GFRA1: variants seen among roughly 807,000 people sequenced by gnomAD.
GFRA1 encodes GDNF family receptor alpha 1.
Under a neutral mutation model 51.6 loss-of-function variants are expected in GFRA1, and 16 were observed. The observed-to-expected ratio is 0.31, with a 90% CI of 0.21 to 0.47. GFRA1 has a LOEUF of 0.47. Among genes scored for constraint, GFRA1 ranks in the 20% least tolerant of loss-of-function variants. The probability of loss-of-function intolerance (pLI) is 1.00; values close to 1 mark genes in which losing one functional copy is unlikely to be tolerated. For synonymous variants in GFRA1, 270 were observed against 241.3 expected (o/e 1.12, Z -1.10); for missense variants, 530 against 594.3 (o/e 0.89, Z 1.13).
At chr10:116,233,534 A>AG (rs1325353584) in intron 4 of GFRA1, among the ~76,000 whole-genome samples, 1 of 152,058 alleles carries the variant, frequency 6.6e-6, no homozygotes. Flanking sequence ...CCTGGATGCA[A>AG]GGCCCCTTGT....
chr10:116,138,213 T>C (rs1456015571), intron 5 of GFRA1, among the ~76,000 whole-genome samples: 1 of 152,190 alleles, frequency 6.6e-6, no homozygotes, highest in Non-Finnish European at 1.5e-5. Context: ...TAGTACATTA[T>C]TTCTCGTTCA....
At chr10:116,097,381 T>C (rs1401479763) in intron 6 of GFRA1, among the ~76,000 whole-genome samples, 1 of 152,194 alleles carries the variant, frequency 6.6e-6, no homozygotes, top group East Asian at 1.9e-4. Flanking sequence ...AGGCTTGCTC[T>C]AGGCGGGTGG....
chr10:116,225,305 G>T (rs912823600), intron 4 of GFRA1, among the ~76,000 whole-genome samples: 1 of 151,998 alleles, frequency 6.6e-6, no homozygotes, highest in Non-Finnish European at 1.5e-5. Context: ...GGGAGGCCAA[G>T]GCAGGCGGAT....
intron 5 of GFRA1, among the ~76,000 whole-genome samples, chr10:116,155,925 C>A (rs1051906616): frequency 6.6e-6 from 1 of 152,202 alleles, no homozygotes; most frequent in Non-Finnish European, 1.5e-5. Context: ...GGCTCTCCAG[C>A]ACACCCACCA....
intron 9 of GFRA1, among the ~76,000 whole-genome samples, chr10:116,077,797 A>C (rs971823968): frequency 4.6e-5 from 7 of 152,342 alleles, no homozygotes; most frequent in African/African-American, 1.7e-4. Context: ...TGATGTCGGC[A>C]GGCTGGGGGG....
chr10:116,134,456 T>A (rs956180224), intron 5 of GFRA1, among the ~76,000 whole-genome samples: 6 of 152,228 alleles, frequency 3.9e-5, no homozygotes, highest in African/African-American at 9.6e-5. Context: ...ACGGATCGTA[T>A]GGCAAATTTG....
Position 116,057,746 on chromosome 10 carries a change from T to TC in GFRA1, c.*6651dup, listed in dbSNP as rs998627665. 2.6e-5 allele frequency: 4 copies of TC among 151,606 alleles called. No homozygotes were observed. The highest frequency in any genetic ancestry group is 9.7e-5 in the African/African-American group (4 of 41,322). 9.4% of individuals were successfully genotyped at this position (151,606 alleles called of 1,614,324 possible). A position where few individuals can be genotyped will look rare whatever the true frequency, so the allele number is the denominator to read the frequency against. ...GGTTTCTGAAACTGTTTTTTTTTTT[T>TC]CAACCCTCGGAGGACAATCAGCTCT... On this transcript the variant is annotated 3_prime_UTR_variant, in exon 11 of 11. Coordinates refer to ENST00000355422, the MANE Select transcript of GFRA1 (RefSeq NM_005264.8).
intron 9 of GFRA1, among the ~76,000 whole-genome samples, chr10:116,075,371 C>CTATGTCATCATCA (rs1955573576): frequency 6.6e-6 from 1 of 152,164 alleles, no homozygotes; most frequent in South Asian, 2.1e-4. Context: ...CAGGCTCCTC[C>CTATGTCATCATCA]TATGTCATCA....
At chr10:116,087,357 T>C (rs1156712705) in intron 9 of GFRA1, among the ~76,000 whole-genome samples, 3 of 152,166 alleles carry the variant, frequency 2.0e-5, no homozygotes, top group African/African-American at 7.2e-5. Flanking sequence ...AACTCCAATT[T>C]CATGGGGTTT....
At chr10:116,247,690 G>C (rs923423360) in intron 4 of GFRA1, among the ~76,000 whole-genome samples, 1 of 152,136 alleles carries the variant, frequency 6.6e-6, no homozygotes, top group African/African-American at 2.4e-5. Flanking sequence ...ATTTCACTGT[G>C]TCAAATGTCT....
intron 4 of GFRA1, among the ~76,000 whole-genome samples, chr10:116,227,733 A>G (rs1242801212): frequency 1.3e-5 from 2 of 152,360 alleles, no homozygotes; most frequent in East Asian, 3.9e-4. Flanking sequence ...CTGGACACAC[A>G]GTGGGTGCAG....
intron 5 of GFRA1, among the ~76,000 whole-genome samples, chr10:116,183,556 T>C (rs1004101129): frequency 6.6e-6 from 1 of 152,154 alleles, no homozygotes; most frequent in Non-Finnish European, 1.5e-5. Context: ...GGGCAGAGCC[T>C]GATGGATGAA....
rs187619906 is a variant in GFRA1, at chr10:116,071,430, C to T, written c.1198-5804G>A. On this transcript the variant is annotated intron_variant, in intron 9 of 10. Coordinates refer to ENST00000355422, the MANE Select transcript of GFRA1 (RefSeq NM_005264.8). ...GCAGGTAGAGTCACAGGATGAGGGA[C>T]CTGCAGTCATACTTCCTTATTTGGA... Among the ~76,000 whole-genome samples the T allele has an allele frequency of 3.3e-5, 5 of 152,206 alleles. No homozygotes were observed. In the East Asian group the frequency reaches 5.8e-4, roughly 18 times the overall value.
intron 4 of GFRA1, among the ~76,000 whole-genome samples, chr10:116,254,314 T>A (rs1968636092): frequency 1.5e-5 from 1 of 67,432 alleles, no homozygotes; most frequent in African/African-American, 4.7e-5. Context: ...AAAGAGAGCC[T>A]CTGTCAAAAA....
At chr10:116,230,312 G>A (rs1402510142) in intron 4 of GFRA1, among the ~76,000 whole-genome samples, 1 of 152,164 alleles carries the variant, frequency 6.6e-6, no homozygotes, top group Non-Finnish European at 1.5e-5. Context: ...GATGAGTACT[G>A]TTATCTCATT....
In GFRA1 at chr10:116,215,763, G is replaced by T. The variant is rs117234564; in HGVS notation, c.419-4118C>A. Among the ~76,000 whole-genome samples, 1,257 of 152,240 alleles carry T rather than the reference G, an allele frequency of 8.3e-3. 7 individuals carry two copies. The highest frequency in any genetic ancestry group is 0.012 in the Non-Finnish European group (805 of 68,026). The stretch of plus-strand genomic sequence containing the variant: ...AAAGGGCACCAGAGACACTTGTAAA[G>T]AGGAAATGAACTCCTTCAGACAACG... On this transcript the variant is annotated intron_variant, in intron 4 of 10. Transcript: ENST00000355422.
intron 4 of GFRA1, among the ~76,000 whole-genome samples, chr10:116,260,768 G>A (rs1969241452): frequency 6.6e-6 from 1 of 152,192 alleles, no homozygotes; most frequent in Non-Finnish European, 1.5e-5. Context: ...AGAGATGAAA[G>A]AAATGCCCAG....
intron 5 of GFRA1, 92 bp from the exon 6 acceptor site, chr10:116,125,649 G>T: frequency 2.0e-6 from 2 of 982,810 alleles, no homozygotes; most frequent in Non-Finnish European, 3.1e-6. Context: ...CATTTATCTG[G>T]CATTGCCAGC....
chr10:116,093,732 A>G lies in GFRA1; in HGVS notation c.985T>C (p.Leu329=). The G allele has an allele frequency of 1.9e-6, 3 of 1,613,956 alleles. No individual in the cohort carries two copies. The highest frequency in any genetic ancestry group is 2.5e-6 in the Non-Finnish European group (3 of 1,179,792). ...GNDLEECLKF[L]NFFKDNTCLK... Reference sequence around the variant, plus strand: ...CATGTATTGTCCTTGAAGAAATTCAAAAATTTCAAGCACTCTTCTAGGTCG... The same window carrying G: ...CATGTATTGTCCTTGAAGAAATTCAGAAATTTCAAGCACTCTTCTAGGTCG... Residue 329 remains leucine (L), a synonymous_variant, in exon 8 of 11, where the codon TTG becomes CTG. Coordinates refer to ENST00000355422, the MANE Select transcript of GFRA1 (RefSeq NM_005264.8).
Sources: gnomAD v4.1 joint callset for allele counts (sites outside exome capture counted in the v4.1 genomes callset) on GRCh38, gnomAD v4.1.1 for gene constraint, MANE v1.5 for transcripts, NCBI Gene and HGNC (gene_info 2026-07-23, HGNC 2026-07-21) for gene names.